The following PLD5 variants were observed in gnomAD, a reference collection of about 807,000 sequenced individuals.
The protein encoded by PLD5 is inactive phospholipase D5.
A neutral mutation model predicts 61.1 loss-of-function variants in PLD5; 36 were observed. That is an observed-to-expected ratio of 0.59 (90% CI 0.45 to 0.78). The LOEUF (loss-of-function observed/expected upper bound fraction) is 0.78. Among genes scored for constraint, PLD5 ranks in the 30% least tolerant of loss-of-function variants. The probability of loss-of-function intolerance (pLI) is 0.00; values close to 1 mark genes in which losing one functional copy is unlikely to be tolerated. For missense variants in PLD5, 515 were observed against 644.4 expected (o/e 0.80, Z 2.17); for synonymous variants, 243 against 242.8 (o/e 1.00, Z -0.01).
At chr1:242,246,726 G>T (rs1672388135) in intron 4 of PLD5, among the ~76,000 whole-genome samples, 3 of 152,192 alleles carry the variant, frequency 2.0e-5, no homozygotes, top group South Asian at 2.1e-4. Context: ...ATCAAACTCG[G>T]TAAAGTATTT....
intron 1 of PLD5, among the ~76,000 whole-genome samples, chr1:242,354,816 G>GTT (rs546708905): frequency 2.5e-4 from 36 of 145,470 alleles, no homozygotes; most frequent in South Asian, 1.3e-3. Flanking sequence ...CAATTTGAGT[G>GTT]TTTTTTTTTT....
intron 5 of PLD5, among the ~76,000 whole-genome samples, chr1:242,213,272 T>C (rs1669942889): frequency 6.6e-6 from 1 of 152,216 alleles, no homozygotes; most frequent in African/African-American, 2.4e-5. Flanking sequence ...CAAGGAATGC[T>C]AAACAGTCCT....
At chr1:242,241,931 C>T (rs12023947) in intron 4 of PLD5, among the ~76,000 whole-genome samples, 39,116 of 104,980 alleles carry the variant, frequency 0.37, 7,745 homozygotes, top group East Asian at 0.51. Flanking sequence ...TATATATATA[C>T]GCTTATATAT....
intron 7 of PLD5, among the ~76,000 whole-genome samples, chr1:242,108,488 C>T (rs1661236657): frequency 6.6e-6 from 1 of 152,188 alleles, no homozygotes; most frequent in African/African-American, 2.4e-5. Flanking sequence ...GAGGCCACAG[C>T]TTCTCCTGGA....
chr1:242,098,404 C>T (rs1401018910), intron 9 of PLD5, among the ~76,000 whole-genome samples: 1 of 152,218 alleles, frequency 6.6e-6, no homozygotes, highest in East Asian at 1.9e-4. Flanking sequence ...TGGTTTTCAG[C>T]TCCATCAGAT....
At chr1:242,092,080 G>A (rs1238791441) in intron 9 of PLD5, among the ~76,000 whole-genome samples, 3 of 151,768 alleles carry the variant, frequency 2.0e-5, no homozygotes, top group Non-Finnish European at 4.4e-5. Flanking sequence ...CACCCATCTC[G>A]GCCTCCTAAA....
At chr1:242,287,703 T>C (rs1221439974) in intron 3 of PLD5, among the ~76,000 whole-genome samples, 1 of 152,200 alleles carries the variant, frequency 6.6e-6, no homozygotes, top group Non-Finnish European at 1.5e-5. Flanking sequence ...ACTATCATGG[T>C]TGTACCAATA....
intron 5 of PLD5, among the ~76,000 whole-genome samples, chr1:242,196,875 A>G (rs1668667236): frequency 6.6e-6 from 1 of 152,092 alleles, no homozygotes; most frequent in Non-Finnish European, 1.5e-5. Flanking sequence ...GTGTGCTCCT[A>G]CATATTTGGG....
chr1:242,090,126 G>T lies in PLD5; in HGVS notation c.1355-16C>A. 6 of 1,612,898 alleles carry T rather than the reference G, an allele frequency of 3.7e-6. No individual in the cohort carries two copies. Among genetic ancestry groups the T allele is most frequent in the East Asian group, 2.2e-5 (1 of 44,854 alleles). On this transcript the variant is annotated splice_polypyrimidine_tract_variant and intron_variant, in intron 9 of 9. Transcript: ENST00000536534. Reference sequence around the variant, plus strand: ...TCAAAATTTCCTGCAAACAAACAAAGAAATAATGTTGAGGAGTTAGAGTCC... The same window carrying T: ...TCAAAATTTCCTGCAAACAAACAAATAAATAATGTTGAGGAGTTAGAGTCC...
At chr1:242,114,924 C>T (rs928818492) in intron 6 of PLD5, among the ~76,000 whole-genome samples, 3 of 152,138 alleles carry the variant, frequency 2.0e-5, no homozygotes, top group Non-Finnish European at 4.4e-5. Context: ...AGCCTGTAAT[C>T]CCAGCGCTTT....
rs182425333 is a variant in PLD5 at position 242,107,254 on chromosome 1, T to C, written c.1239+417A>G. On this transcript the variant is annotated intron_variant, in intron 8 of 9. Transcript: ENST00000536534. ...ACTTTGGAAGGCCAAGGTGGGCAGA[T>C]TGCTTGAGCCCAGGAGCTCAGGACC... 2.4e-4 allele frequency among the ~76,000 whole-genome samples: 37 copies of C among 152,174 alleles called. 1 individual carries two copies. The East Asian group carries it at 7.0e-3, about 29-fold the overall frequency.
intron 9 of PLD5, 26 bp downstream of exon 9, chr1:242,100,642 A>G: frequency 6.4e-7 from 1 of 1,557,266 alleles, no homozygotes; most frequent in Non-Finnish European, 8.9e-7. Context: ...CCCCCACCCA[A>G]GGAGCTTCAC....
chr1:242,383,682 G>C (rs931843233), intron 1 of PLD5, among the ~76,000 whole-genome samples: 8 of 151,984 alleles, frequency 5.3e-5, no homozygotes, highest in Admixed American at 4.6e-4. Flanking sequence ...GGCATCCTTA[G>C]AAGGGCAAAA....
At chr1:242,501,523 T>C (rs1308106134) in intron 1 of PLD5, among the ~76,000 whole-genome samples, 2 of 152,220 alleles carry the variant, frequency 1.3e-5, no homozygotes, top group Non-Finnish European at 2.9e-5. Flanking sequence ...GCCTGTTTCA[T>C]TGACATGAGC....
At chr1:242,209,248 C>T (rs958692491) in intron 5 of PLD5, 3 of 152,128 alleles carry the variant, frequency 2.0e-5, no homozygotes, top group African/African-American at 7.2e-5. Flanking sequence ...CAAATCCAGA[C>T]CCCTGTGTGG....
chr1:242,220,177 A>G, intron 4 of PLD5, 62 bp from the exon 5 acceptor site: 1 of 1,578,656 alleles, frequency 6.3e-7, no homozygotes, highest in Non-Finnish European at 8.7e-7. Context: ...GCTGTCAGTC[A>G]CCTACCAGTG....
chr1:242,294,685 G>T (rs939637157), intron 2 of PLD5, among the ~76,000 whole-genome samples: 1 of 152,102 alleles, frequency 6.6e-6, no homozygotes, highest in Non-Finnish European at 1.5e-5. Flanking sequence ...CAGAAAAAAG[G>T]TTATTACAAA....
chr1:242,481,417 G>A (rs528652583), intron 1 of PLD5, among the ~76,000 whole-genome samples: 5 of 152,320 alleles, frequency 3.3e-5, no homozygotes, highest in Admixed American at 6.5e-5. Flanking sequence ...ATTGTATCCC[G>A]TGCCTGGCTC....
chr1:242,453,169 A>G (rs1405953545), intron 1 of PLD5, among the ~76,000 whole-genome samples: 3 of 152,176 alleles, frequency 2.0e-5, no homozygotes, highest in African/African-American at 7.2e-5. Flanking sequence ...CGGGATTAGT[A>G]CTTTTATCAA....
Sources: allele counts gnomAD v4.1 joint callset (sites outside exome capture counted in the v4.1 genomes callset), GRCh38; gene constraint gnomAD v4.1.1; transcripts MANE v1.5; gene names NCBI Gene and HGNC (gene_info 2026-07-23, HGNC 2026-07-21).